RTTN: variants seen among roughly 807,000 people sequenced by gnomAD.
RTTN encodes rotatin.
RTTN carries 182 observed loss-of-function variants against 269.2 expected under a neutral mutation model. That is an observed-to-expected ratio of 0.68 (90% CI 0.60 to 0.76). The LOEUF (loss-of-function observed/expected upper bound fraction) is 0.76. Among genes scored for constraint, RTTN ranks in the 30% least tolerant of loss-of-function variants. The pLI is 0.00. For missense variants in RTTN, 2,545 were observed against 2,608.6 expected, an observed-to-expected ratio of 0.98 and a Z score of 0.53; for synonymous variants, 1,006 against 963.5, an observed-to-expected ratio of 1.04 and a Z score of -0.82.
At chr18:70,074,138 AT>A in intron 33 of RTTN, 144 bp from the exon 34 acceptor site, 2 of 450,730 alleles carry the variant, frequency 4.4e-6, no homozygotes, top group East Asian at 3.8e-5. Context: ...ATAGACCACT[AT>A]TTAAAAAAAA....
At chr18:70,039,097 T>C (rs956590820) in intron 40 of RTTN, among the ~76,000 whole-genome samples, 3 of 152,030 alleles carry the variant, frequency 2.0e-5, no homozygotes, top group African/African-American at 4.8e-5. Flanking sequence ...ACCTAAAAAA[T>C]AGCCTCGAAA....
intron 25 of RTTN, among the ~76,000 whole-genome samples, chr18:70,123,292 A>G (rs2059784635): frequency 6.6e-6 from 1 of 152,110 alleles, no homozygotes. Context: ...GAATGATCCA[A>G]TCAGGCTAAT....
chr18:70,150,442 T>C (rs150351417), intron 15 of RTTN, among the ~76,000 whole-genome samples, 166 bp downstream of exon 15: 26 of 152,322 alleles, frequency 1.7e-4, no homozygotes, highest in African/African-American at 6.0e-4. Context: ...CCACATTTTA[T>C]GTAACATTTA....
chr18:70,009,134 TC>T (rs2056290095), intron 46 of RTTN: 1 of 152,192 alleles, frequency 6.6e-6, no homozygotes, highest in Non-Finnish European at 1.5e-5. Context: ...ATTTATCTTT[TC>T]TTTTTTTGTT....
intron 21 of RTTN, 27 bp from the exon 22 acceptor site, chr18:70,135,307 G>T: frequency 7.8e-7 from 1 of 1,283,254 alleles, no homozygotes; most frequent in Non-Finnish European, 1.1e-6. Context: ...ACAACTTTAT[G>T]AAATATTTGT....
At chr18:70,151,438 T>G (rs2060535624) in intron 14 of RTTN, among the ~76,000 whole-genome samples, 1 of 151,934 alleles carries the variant, frequency 6.6e-6, no homozygotes, top group South Asian at 2.1e-4. Flanking sequence ...ATTAATGGAA[T>G]TTAAATACAA....
At chr18:70,166,020 T>C (rs2060975389) in intron 14 of RTTN, 42 bp downstream of exon 14, 1 of 1,604,270 alleles carries the variant, frequency 6.2e-7, no homozygotes, top group East Asian at 2.2e-5. Context: ...GAGTCTACTA[T>C]TTGTTCTCAA....
Position 70,205,308 on chromosome 18 carries a change from C to G in RTTN, c.39G>C (p.Gln13His). The G allele has an allele frequency of 6.2e-7, 1 of 1,614,178 alleles. No individual in the cohort carries two copies. Among genetic ancestry groups the G allele is most frequent in the South Asian group, 1.1e-5 (1 of 91,080 alleles). Reference sequence around the variant, plus strand: ...GAGCGCGCTCCCTGATCTCGGCCAGCTGATGACCTGTCAACGAACGGCACA... The same window carrying G: ...GAGCGCGCTCCCTGATCTCGGCCAGGTGATGACCTGTCAACGAACGGCACA... ...LAGLIRKLGH[Q>H]LAEIRERALK... The change falls in exon 2 of 49, where the codon CAG becomes CAC. Residue 13 changes from glutamine (Q) to histidine (H), a missense_variant. Gln to His is a conservative substitution (Grantham distance 24, BLOSUM62 0). Coordinates refer to ENST00000640769, the MANE Select transcript of RTTN (RefSeq NM_173630.4).
chr18:70,132,818 A>C (rs568161623), intron 23 of RTTN, among the ~76,000 whole-genome samples: 73 of 152,296 alleles, frequency 4.8e-4, no homozygotes, highest in African/African-American at 1.6e-3. Flanking sequence ...CTATACATCC[A>C]TCAGATGGGC....
At chr18:70,165,911 T>A in intron 14 of RTTN, 151 bp downstream of exon 14, 1 of 603,910 alleles carries the variant, frequency 1.7e-6, no homozygotes, top group South Asian at 3.4e-5. Context: ...AGTACAAATT[T>A]TCCAGAATTG....
At position 70,202,491 on chromosome 18, in the gene RTTN, T is replaced by C. The variant is rs189050172; in HGVS notation, c.398-508A>G. Reference sequence around the variant, plus strand: ...AAAAGGCTAAAACTATAGTTTGTAATTTTAAGTTTTCATGGCAATAGTTCC... The same window carrying C: ...AAAAGGCTAAAACTATAGTTTGTAACTTTAAGTTTTCATGGCAATAGTTCC... On this transcript the variant is annotated intron_variant, in intron 3 of 48. Transcript: ENST00000640769. Among the ~76,000 whole-genome samples, 86 of 152,348 alleles carry C rather than the reference T, an allele frequency of 5.6e-4. 1 individual carries two copies. Among genetic ancestry groups the C allele is most frequent in the African/African-American group, 2.0e-3 (82 of 41,580 alleles).
intron 25 of RTTN, among the ~76,000 whole-genome samples, chr18:70,126,038 A>G (rs1342147311): frequency 6.6e-6 from 1 of 152,084 alleles, no homozygotes; most frequent in Non-Finnish European, 1.5e-5. Context: ...TGAATATTAT[A>G]TATGCATGTG....
At chr18:70,074,587 G>A (rs1470497285) in intron 33 of RTTN, among the ~76,000 whole-genome samples, 1 of 151,886 alleles carries the variant, frequency 6.6e-6, no homozygotes, top group Non-Finnish European at 1.5e-5. Flanking sequence ...CACACATGTG[G>A]CAAGATGTAA....
chr18:70,128,310 T>C, intron 24 of RTTN, 48 bp downstream of exon 24: 1 of 1,485,840 alleles, frequency 6.7e-7, no homozygotes, highest in Non-Finnish European at 9.2e-7. Context: ...ACTAATTAAT[T>C]ACAATTAATT....
At chr18:70,171,146 T>A (rs1026310245) in intron 11 of RTTN, among the ~76,000 whole-genome samples, 1 of 152,210 alleles carries the variant, frequency 6.6e-6, no homozygotes, top group African/African-American at 2.4e-5. Context: ...AGTATAAATT[T>A]GGCAGGCATC....
intron 25 of RTTN, 55 bp from the exon 26 acceptor site, chr18:70,121,755 A>G: frequency 7.0e-7 from 1 of 1,427,422 alleles, no homozygotes; most frequent in Non-Finnish European, 9.4e-7. Flanking sequence ...ACACAATACC[A>G]CTGTTCATCA....
At chr18:70,080,928 TCACA>T (rs138851066) in intron 32 of RTTN, among the ~76,000 whole-genome samples, 2,156 of 146,838 alleles carry the variant, frequency 0.015, 28 homozygotes, top group African/African-American at 0.039. Context: ...GTGTGTGGTA[TCACA>T]CACACACACA....
At chr18:70,158,979 C>T (rs1367425725) in intron 14 of RTTN, among the ~76,000 whole-genome samples, 1 of 152,112 alleles carries the variant, frequency 6.6e-6, no homozygotes, top group Admixed American at 6.6e-5. Flanking sequence ...TAGACAACCA[C>T]AAAATAATAG....
At chr18:70,131,513 T>A (rs1217879077) in intron 23 of RTTN, 5 of 151,500 alleles carry the variant, frequency 3.3e-5, no homozygotes, top group Non-Finnish European at 7.4e-5. Context: ...AAAAGAATAA[T>A]CATCTGTATA....
Sources: allele counts gnomAD v4.1 joint callset (sites outside exome capture counted in the v4.1 genomes callset), GRCh38; gene constraint gnomAD v4.1.1; transcripts MANE v1.5; gene names NCBI Gene and HGNC (gene_info 2026-07-23, HGNC 2026-07-21).